GAPVD1: variants seen among roughly 807,000 people sequenced by gnomAD.
GAPVD1 encodes the protein GTPase-activating protein and VPS9 domain-containing protein 1.
Under a neutral mutation model 155.5 loss-of-function variants are expected in GAPVD1, and 35 were observed. That is an observed-to-expected ratio of 0.23 (90% CI 0.17 to 0.30). The LOEUF (loss-of-function observed/expected upper bound fraction) is 0.30. Among genes scored for constraint, GAPVD1 ranks in the 10% least tolerant of loss-of-function variants. The pLI, the probability that GAPVD1 is intolerant of heterozygous loss-of-function variation, is 1.00. For missense variants in GAPVD1, 1,429 were observed against 1,775.7 expected (o/e 0.80, Z 3.51); for synonymous variants, 636 against 619.7 (o/e 1.03, Z -0.39).
Position 125,304,671 on chromosome 9 carries a change from C to T in GAPVD1, c.1030-392C>T, listed in dbSNP as rs559554950. Among the ~76,000 whole-genome samples the T allele has an allele frequency of 7.4e-4, 112 of 152,208 alleles. 2 individuals carry two copies. In the South Asian group the frequency reaches 0.017, roughly 24 times the overall value. ...AATTATACCTTGATTGCTTTGTGAA[C>T]GCTATAAGGTAATGTTCTTAATATT... On this transcript the variant is annotated intron_variant, in intron 5 of 27. Coordinates refer to ENST00000297933, the MANE Select transcript of GAPVD1 (RefSeq NM_001282680.3).
At chr9:125,289,952 C>A (rs1838317702) in intron 2 of GAPVD1, among the ~76,000 whole-genome samples, 1 of 152,138 alleles carries the variant, frequency 6.6e-6, no homozygotes, top group African/African-American at 2.4e-5. Flanking sequence ...AGGACAGGAG[C>A]AAACCCATGA....
intron 12 of GAPVD1, among the ~76,000 whole-genome samples, chr9:125,329,511 G>C (rs1845767231): frequency 6.6e-6 from 1 of 152,186 alleles, no homozygotes; most frequent in Non-Finnish European, 1.5e-5. Context: ...TGAACTGGAG[G>C]AAACTGGTGA....
chr9:125,314,082 C>T (rs1843039715), intron 9 of GAPVD1, among the ~76,000 whole-genome samples: 1 of 152,096 alleles, frequency 6.6e-6, no homozygotes, highest in Non-Finnish European at 1.5e-5. Flanking sequence ...GAGATGAAGC[C>T]AGGAGATTGT....
At chr9:125,300,415 C>T (rs1210231946) in intron 4 of GAPVD1, among the ~76,000 whole-genome samples, 2 of 151,626 alleles carry the variant, frequency 1.3e-5, no homozygotes, top group East Asian at 1.9e-4. Context: ...CTTCTGACCT[C>T]GCAGTCTGCC....
chr9:125,273,929 T>C (rs1011576800), intron 2 of GAPVD1, among the ~76,000 whole-genome samples: 9 of 151,868 alleles, frequency 5.9e-5, no homozygotes, highest in African/African-American at 1.9e-4. Context: ...CTCTTTTCTT[T>C]TTTTTAAAAA....
In GAPVD1 at chr9:125,367,134, T is replaced by C. The variant is rs1001327284; in HGVS notation, c.*4388T>C. On this transcript the variant is annotated 3_prime_UTR_variant, in exon 28 of 28. Coordinates refer to ENST00000297933, the MANE Select transcript of GAPVD1 (RefSeq NM_001282680.3). The stretch of plus-strand genomic sequence containing the variant: ...GTATATGTACAGGAAACCCCTCCTG[T>C]CTCCTAATGTGATTAGTACTGTAAA... 6.6e-6 allele frequency: 1 copy of C among 152,214 alleles called. No homozygotes were observed. The highest frequency in any genetic ancestry group is 1.5e-5 in the Non-Finnish European group (1 of 68,040). 9.4% of individuals were successfully genotyped at this position (152,214 alleles called of 1,614,324 possible).
At chr9:125,319,032 C>T (rs375766713) in intron 9 of GAPVD1, among the ~76,000 whole-genome samples, 47 of 151,986 alleles carry the variant, frequency 3.1e-4, no homozygotes, top group Admixed American at 1.4e-3. Flanking sequence ...AAAAATTAGC[C>T]GGGTGTGGTG....
At chr9:125,333,228 C>T (rs1436072807) in intron 15 of GAPVD1, among the ~76,000 whole-genome samples, 1 of 151,150 alleles carries the variant, frequency 6.6e-6, no homozygotes, top group East Asian at 2.0e-4. Context: ...TTACAGGCAC[C>T]CACCACCACG....
At chr9:125,292,599 A>G (rs1838790032) in intron 2 of GAPVD1, among the ~76,000 whole-genome samples, 1 of 152,048 alleles carries the variant, frequency 6.6e-6, no homozygotes. Context: ...CATGTTGGCC[A>G]GGCAGGTCTT....
At chr9:125,327,663 C>T (rs141031883) in intron 12 of GAPVD1, among the ~76,000 whole-genome samples, 1 of 152,004 alleles carries the variant, frequency 6.6e-6, no homozygotes, top group Non-Finnish European at 1.5e-5. Flanking sequence ...ACCACCACAC[C>T]CAGATAATTT....
intron 4 of GAPVD1, 53 bp from the exon 5 acceptor site, chr9:125,301,930 T>C (rs531389677): frequency 2.3e-6 from 3 of 1,298,496 alleles, no homozygotes; most frequent in East Asian, 2.4e-5. Context: ...ATATGTGTTA[T>C]TATTATTAAT....
In GAPVD1 at chr9:125,279,764, C is replaced by G. The variant is rs1023621437; in HGVS notation, c.-150+10780C>G. Among the ~76,000 whole-genome samples the G allele has an allele frequency of 3.5e-5, 5 of 141,476 alleles. No individual in the cohort carries two copies. In the South Asian group the frequency reaches 1.1e-3, roughly 32 times the overall value. 92.8% of individuals were successfully genotyped at this position (141,476 alleles called of 152,430 possible). Reference sequence around the variant, plus strand: ...ATTTGAACTATTATTTATTCAGTGACTTTTTTTTTTTTTTGATACGGAGTC... The same window carrying G: ...ATTTGAACTATTATTTATTCAGTGAGTTTTTTTTTTTTTTGATACGGAGTC... On this transcript the variant is annotated intron_variant, in intron 2 of 27. Transcript: ENST00000297933.
chr9:125,350,876 A>G lies in GAPVD1; in HGVS notation c.3569+4A>G, dbSNP rs753776493. On this transcript the variant is annotated splice_donor_region_variant and intron_variant, in intron 23 of 27. Coordinates refer to ENST00000297933, the MANE Select transcript of GAPVD1 (RefSeq NM_001282680.3). The stretch of plus-strand genomic sequence containing the variant: ...CTTCGATTGCTGAGGACTACAGGTA[A>G]TATACCCCACCTGTTCAGCTTTTAA... 18 of 1,605,638 alleles carry G rather than the reference A, an allele frequency of 1.1e-5. 1 individual carries two copies. In the South Asian group the frequency reaches 2.0e-4, roughly 18 times the overall value.
rs1851399522 is a variant in GAPVD1 at position 125,365,257 on chromosome 9, CT to C, written c.*2514del. On this transcript the variant is annotated 3_prime_UTR_variant, in exon 28 of 28. Coordinates refer to ENST00000297933, the MANE Select transcript of GAPVD1 (RefSeq NM_001282680.3). Reference sequence around the variant, plus strand: ...GAAAATCTGTCAGGAGCAAGGACTACTTTGGCATTAACCATCACTGTTTGAT... The same window carrying C: ...GAAAATCTGTCAGGAGCAAGGACTACTTGGCATTAACCATCACTGTTTGAT... The C allele has an allele frequency of 6.6e-6, 1 of 151,668 alleles. No homozygotes were observed. Among genetic ancestry groups the C allele is most frequent in the South Asian group, 2.1e-4 (1 of 4,812 alleles). The allele number at this position is 151,668 out of a possible 1,614,324, so 9.4% of individuals were successfully genotyped here.
intron 4 of GAPVD1, among the ~76,000 whole-genome samples, chr9:125,301,218 G>A (rs758972646): frequency 2.4e-4 from 36 of 152,044 alleles, no homozygotes; most frequent in Non-Finnish European, 4.6e-4. Flanking sequence ...ACAGGCACAC[G>A]CCACCACATC....
In GAPVD1 at chr9:125,285,997, A is replaced by G. The variant is rs776534603; in HGVS notation, c.-149-9461A>G. ...TAATTTTCGTGTTCTCTGTAGAGACAGGGTTTTGCCATGTTTCCCAGGCTG... is the reference window on the plus strand; with the variant it reads ...TAATTTTCGTGTTCTCTGTAGAGACGGGGTTTTGCCATGTTTCCCAGGCTG... On this transcript the variant is annotated intron_variant, in intron 2 of 27. Transcript: ENST00000297933. Among the ~76,000 whole-genome samples, 96 of 150,640 alleles carry G rather than the reference A, an allele frequency of 6.4e-4. 1 individual carries two copies. The highest frequency in any genetic ancestry group is 8.0e-4 in the Admixed American group (12 of 15,092).
At chr9:125,360,754 AG>A in intron 27 of GAPVD1, 29 bp downstream of exon 27, 3 of 1,552,822 alleles carry the variant, frequency 1.9e-6, no homozygotes, top group Non-Finnish European at 2.7e-6. Context: ...TCAGTTAAGG[AG>A]TTATGTGGCA....
chr9:125,330,043 CT>C, intron 12 of GAPVD1, 34 bp from the exon 13 acceptor site: 1 of 1,544,164 alleles, frequency 6.5e-7, no homozygotes, highest in East Asian at 2.3e-5. Context: ...CCTCCAGGAT[CT>C]TTGTTAACCC....
In GAPVD1 at chr9:125,350,120, T is replaced by C. The variant is rs556600645; in HGVS notation, c.3300-175T>C. Among the ~76,000 whole-genome samples, 6 of 152,354 alleles carry C rather than the reference T, an allele frequency of 3.9e-5. No individual in the cohort carries two copies. The East Asian group carries it at 9.6e-4, about 24-fold the overall frequency. On this transcript the variant is annotated intron_variant, in intron 21 of 27. Transcript: ENST00000297933. ...GGTCCTTGCCCCGAGCACACCTGGC[T>C]CCTTGGGTAATTAGAAAGCCTGTTC... is the stretch of plus-strand genomic sequence containing the variant.
Sources: gnomAD v4.1 joint callset for allele counts (sites outside exome capture counted in the v4.1 genomes callset) on GRCh38, gnomAD v4.1.1 for gene constraint, MANE v1.5 for transcripts, NCBI Gene and HGNC (gene_info 2026-07-23, HGNC 2026-07-21) for gene names.